The following CYP27A1 variants were observed in gnomAD, a reference collection of about 807,000 sequenced individuals.
CYP27A1 encodes sterol 26-hydroxylase, mitochondrial.
Under a neutral mutation model 58.2 loss-of-function variants are expected in CYP27A1, and 46 were observed. The observed-to-expected ratio is 0.79, with a 90% CI of 0.62 to 1.01. The LOEUF is 1.01. Ranked by LOEUF, CYP27A1 falls within the 50% of genes least tolerant of loss-of-function variation. The pLI, the probability that CYP27A1 is intolerant of heterozygous loss-of-function variation, is 0.00. For synonymous variants in CYP27A1, 274 were observed against 285.1 expected (o/e 0.96, Z 0.39); for missense variants, 704 against 687.0 (o/e 1.02, Z -0.28).
Position 218,814,736 on chromosome 2 carries a change from G to C in CYP27A1, c.1455G>C (p.Glu485Asp). The C allele has an allele frequency of 6.2e-7, 1 of 1,614,194 alleles. No homozygotes were observed. Among genetic ancestry groups the C allele is most frequent in the Non-Finnish European group, 8.5e-7 (1 of 1,180,052 alleles). ...ACLGRRIAEL[E>D]MQLLLARLIQ... is the part of the protein sequence containing the mutation. ...TGGGCCGCAGGATTGCAGAGCTGGA[G>C]ATGCAGCTACTCCTCGCAAGGGTGA... is the stretch of plus-strand genomic sequence containing the variant. Residue 485 changes from glutamate (E) to aspartate (D), a missense_variant, in exon 8 of 9, where the codon GAG becomes GAC. Physicochemically the swap from Glu to Asp is conservative, Grantham distance 45. Coordinates refer to ENST00000258415, the MANE Select transcript of CYP27A1 (RefSeq NM_000784.4).
chr2:218,806,951 ATTTTTTTTTT>A (rs10647379), intron 1 of CYP27A1, among the ~76,000 whole-genome samples: 3 of 100,512 alleles, frequency 3.0e-5, no homozygotes, highest in African/African-American at 1.3e-4. Context: ...CTCCTAGGGA[ATTTTTTTTTT>A]TTTTTTTTTT....
intron 1 of CYP27A1, among the ~76,000 whole-genome samples, chr2:218,793,493 T>A (rs1417641689): frequency 6.6e-6 from 1 of 152,222 alleles, no homozygotes; most frequent in Non-Finnish European, 1.5e-5. Flanking sequence ...CTCTCTTTTT[T>A]CTTGTTGCAG....
chr2:218,809,634 C>T lies in CYP27A1; in HGVS notation c.313C>T (p.His105Tyr). The part of the protein sequence containing the change: ...MWMSYLGPQM[H>Y]VNLASAPLLE... The stretch of plus-strand genomic sequence containing the variant: ...GATGTCCTACTTAGGGCCTCAGATG[C>T]ACGTGAACCTGGCCAGTGCCCCGCT... The change falls in exon 2 of 9, where the codon CAC (histidine) becomes TAC (tyrosine). Residue 105 changes from histidine to tyrosine, a missense_variant. By Grantham distance (83) the His-to-Tyr change is moderately conservative. Transcript: ENST00000258415. 1 of 1,614,148 alleles carries T rather than the reference C, an allele frequency of 6.2e-7. No homozygotes were observed. Among genetic ancestry groups the T allele is most frequent in the East Asian group, 2.2e-5 (1 of 44,876 alleles).
intron 1 of CYP27A1, chr2:218,806,075 G>T (rs1352628537): frequency 6.6e-6 from 1 of 152,066 alleles, no homozygotes; most frequent in Non-Finnish European, 1.5e-5. Context: ...TTCCAAGAAC[G>T]TGGCAAAAAA....
intron 5 of CYP27A1, among the ~76,000 whole-genome samples, 189 bp downstream of exon 5, chr2:218,813,285 G>T (rs568671173): frequency 6.6e-6 from 1 of 152,318 alleles, no homozygotes; most frequent in South Asian, 2.1e-4. Flanking sequence ...ACAGGGGATG[G>T]TCCTTTTGTA....
At chr2:218,797,571 T>A (rs1559388115) in intron 1 of CYP27A1, among the ~76,000 whole-genome samples, 1 of 152,228 alleles carries the variant, frequency 6.6e-6, no homozygotes, top group Non-Finnish European at 1.5e-5. Context: ...AGAGACCCTC[T>A]GAACCATCCA....
chr2:218,795,424 C>T (rs765880713), intron 1 of CYP27A1, among the ~76,000 whole-genome samples: 18 of 152,334 alleles, frequency 1.2e-4, no homozygotes, highest in Middle Eastern at 3.4e-3. Context: ...TCTTGTGACA[C>T]ACCCAGATAA....
intron 1 of CYP27A1, among the ~76,000 whole-genome samples, chr2:218,793,928 G>A (rs1306466520): frequency 1.3e-5 from 2 of 152,244 alleles, no homozygotes; most frequent in East Asian, 3.9e-4. Flanking sequence ...TGGCCAGGCT[G>A]TTGTAGGACT....
intron 1 of CYP27A1, among the ~76,000 whole-genome samples, chr2:218,783,470 C>A (rs1215147191): frequency 6.6e-6 from 1 of 151,962 alleles, no homozygotes; most frequent in Non-Finnish European, 1.5e-5. Context: ...AGGGAATGAA[C>A]CAAAGGGGTT....
chr2:218,810,174 G>A (rs1020579860), intron 2 of CYP27A1, among the ~76,000 whole-genome samples: 2 of 152,076 alleles, frequency 1.3e-5, no homozygotes, highest in African/African-American at 4.8e-5. Context: ...AGCTACTTGG[G>A]AGGCTGAGGC....
At chr2:218,814,230 G>T (rs1198295065) in intron 6 of CYP27A1, 43 bp downstream of exon 6, 1 of 1,613,554 alleles carries the variant, frequency 6.2e-7, no homozygotes. Flanking sequence ...ATCTCTTTGT[G>T]GGGAGGGAAT....
At chr2:218,810,812 C>G (rs955787237) in intron 2 of CYP27A1, among the ~76,000 whole-genome samples, 6 of 151,984 alleles carry the variant, frequency 3.9e-5, no homozygotes, top group Non-Finnish European at 1.5e-5. Context: ...AAGGCAGCTC[C>G]TGGGGTGGGG....
At chr2:218,809,118 T>C (rs1429918259) in intron 1 of CYP27A1, among the ~76,000 whole-genome samples, 1 of 152,186 alleles carries the variant, frequency 6.6e-6, no homozygotes, top group Non-Finnish European at 1.5e-5. Context: ...TTTTTTCTTG[T>C]TGATTACATA....
chr2:218,809,449 T>TAC (rs1372186094), intron 1 of CYP27A1, 128 bp from the exon 2 acceptor site: 8 of 447,466 alleles, frequency 1.8e-5, no homozygotes, highest in African/African-American at 6.7e-5. Context: ...GCCCTTTTTT[T>TAC]TTTTTTTTTT....
At chr2:218,794,999 C>A (rs1943533261) in intron 1 of CYP27A1, among the ~76,000 whole-genome samples, 1 of 152,114 alleles carries the variant, frequency 6.6e-6, no homozygotes, top group Admixed American at 6.5e-5. Flanking sequence ...CGACAGGGTG[C>A]CACCCATGGG....
intron 1 of CYP27A1, among the ~76,000 whole-genome samples, chr2:218,801,092 A>G (rs1195265949): frequency 1.3e-5 from 2 of 152,190 alleles, no homozygotes; most frequent in African/African-American, 4.8e-5. Flanking sequence ...AAACTCCTAA[A>G]ATGGAACCAT....
chr2:218,813,084 T>TCC lies in CYP27A1; in HGVS notation c.1005_1006insCC (p.Gly336ProfsTer10). 1 of 1,611,518 alleles carries TCC rather than the reference T, an allele frequency of 6.2e-7. No individual in the cohort carries two copies. The highest frequency in any genetic ancestry group is 8.5e-7 in the Non-Finnish European group (1 of 1,178,046). ...GCAGCCTGCCTGAGCTGCTCATGGC[T>TCC]GGAGTGGACACGGTGCGTGAAGGGG... On this transcript the variant is annotated frameshift_variant, in exon 5 of 9. Coordinates refer to ENST00000258415, the MANE Select transcript of CYP27A1 (RefSeq NM_000784.4). LOFTEE classifies it high-confidence loss of function.
chr2:218,791,375 T>A (rs1319129787), intron 1 of CYP27A1, among the ~76,000 whole-genome samples: 2 of 152,198 alleles, frequency 1.3e-5, no homozygotes, highest in Non-Finnish European at 2.9e-5. Flanking sequence ...CATAAGGTTA[T>A]CCATGTAATA....
intron 1 of CYP27A1, among the ~76,000 whole-genome samples, chr2:218,799,690 C>CT (rs1451630462): frequency 2.6e-5 from 4 of 152,106 alleles, no homozygotes; most frequent in Admixed American, 6.5e-5. Context: ...TCCCTATATA[C>CT]ATACATCCTA....
Sources: allele counts gnomAD v4.1 joint callset (sites outside exome capture counted in the v4.1 genomes callset), GRCh38; gene constraint gnomAD v4.1.1; transcripts MANE v1.5; gene names NCBI Gene and HGNC (gene_info 2026-07-23, HGNC 2026-07-21).